The following TMEM9 variants were observed in gnomAD, a reference collection of about 807,000 sequenced individuals.
TMEM9 encodes transmembrane protein 9.
A neutral mutation model predicts 22.8 loss-of-function variants in TMEM9; 13 were observed. The observed-to-expected ratio is 0.57, with a 90% CI of 0.37 to 0.91. The LOEUF (loss-of-function observed/expected upper bound fraction) is 0.91. Ranked by LOEUF, TMEM9 falls within the 40% of genes least tolerant of loss-of-function variation. The probability of loss-of-function intolerance (pLI) is 0.01; values close to 1 mark genes in which losing one functional copy is unlikely to be tolerated. For synonymous variants in TMEM9, 88 were observed against 93.0 expected, an observed-to-expected ratio of 0.95 and a Z score of 0.31; for missense variants, 182 against 238.1, an observed-to-expected ratio of 0.76 and a Z score of 1.55.
rs539276163 is a variant in TMEM9 at position 201,154,139 on chromosome 1, G to A, written c.-216C>T. ...CTCCCGCCCAACTCTCCGGCTCTCCGCCAGCCACCTGGTGAGCCCGGCAGA... is the reference window on the plus strand; with the variant it reads ...CTCCCGCCCAACTCTCCGGCTCTCCACCAGCCACCTGGTGAGCCCGGCAGA... On this transcript the variant is annotated 5_prime_UTR_variant, in exon 1 of 5. Coordinates refer to ENST00000367330, the MANE Select transcript of TMEM9 (RefSeq NM_001288565.2). The A allele has an allele frequency of 1.0e-4, 59 of 571,618 alleles. No individual in the cohort carries two copies. The highest frequency in any genetic ancestry group is 1.0e-3 in the African/African-American group (53 of 51,966). The allele number at this position is 571,618 out of a possible 1,614,324, so 35.4% of individuals were successfully genotyped here. A position where few individuals can be genotyped will look rare whatever the true frequency, so the allele number is the denominator to read the frequency against.
Position 201,154,167 on chromosome 1 carries a change from G to C in TMEM9, c.-244C>G. The C allele has an allele frequency of 2.0e-6, 1 of 498,218 alleles. No homozygotes were observed. The highest frequency in any genetic ancestry group is 2.4e-5 in the South Asian group (1 of 41,074). The allele number at this position is 498,218 out of a possible 1,614,324, so 30.9% of individuals were successfully genotyped here. On this transcript the variant is annotated 5_prime_UTR_variant, in exon 1 of 5. Transcript: ENST00000367330. ...AGCCACCTGGTGAGCCCGGCAGAGGGGTCCTCGAGGGGACACCGCTGCCAG... is the reference window on the plus strand; with the variant it reads ...AGCCACCTGGTGAGCCCGGCAGAGGCGTCCTCGAGGGGACACCGCTGCCAG...
chr1:201,136,038 C>G (rs1663957017), intron 4 of TMEM9, among the ~76,000 whole-genome samples: 1 of 152,180 alleles, frequency 6.6e-6, no homozygotes, highest in Non-Finnish European at 1.5e-5. Flanking sequence ...GTAGCATCTG[C>G]AGGATGGGGC....
chr1:201,171,218 C>G (rs1666203019), intron 1 of TMEM9, among the ~76,000 whole-genome samples: 1 of 152,160 alleles, frequency 6.6e-6, no homozygotes, highest in Non-Finnish European at 1.5e-5. Flanking sequence ...TGAAATGGAT[C>G]CTGGCTGGGA....
At chr1:201,171,030 G>T (rs1178212203) in intron 1 of TMEM9, among the ~76,000 whole-genome samples, 2 of 152,244 alleles carry the variant, frequency 1.3e-5, no homozygotes, top group African/African-American at 4.8e-5. Flanking sequence ...GGCTTGTTGT[G>T]CCCGAGACAG....
chr1:201,149,585 A>G (rs1192180804), intron 2 of TMEM9, among the ~76,000 whole-genome samples: 1 of 152,156 alleles, frequency 6.6e-6, no homozygotes, highest in Non-Finnish European at 1.5e-5. Context: ...ATCTCTCAAC[A>G]CTAGGTGGCA....
chr1:201,141,978 C>T (rs958806383), intron 4 of TMEM9, among the ~76,000 whole-genome samples: 1 of 152,218 alleles, frequency 6.6e-6, no homozygotes, highest in Non-Finnish European at 1.5e-5. Context: ...GCCAGGACTG[C>T]AATTACCACA....
At chr1:201,166,342 C>T (rs1666076990) in intron 1 of TMEM9, among the ~76,000 whole-genome samples, 1 of 140,056 alleles carries the variant, frequency 7.1e-6, no homozygotes, top group African/African-American at 2.7e-5. Flanking sequence ...TAGTATTGGA[C>T]TTGGAAAAAA....
At chr1:201,146,019 G>A (rs557650388) in intron 3 of TMEM9, among the ~76,000 whole-genome samples, 1 of 152,326 alleles carries the variant, frequency 6.6e-6, no homozygotes, top group East Asian at 1.9e-4. Flanking sequence ...TGTGTGCCAG[G>A]TGCCTGGCCC....
chr1:201,159,442 A>G (rs1337396694), upstream of TMEM9, among the ~76,000 whole-genome samples: 1 of 151,788 alleles, frequency 6.6e-6, no homozygotes, highest in East Asian at 1.9e-4. Flanking sequence ...GCCCTGGACA[A>G]GCACGCTGTT....
Position 201,143,856 on chromosome 1 carries a change from T to C in TMEM9, c.363A>G (p.Ala121=), listed in dbSNP as rs1387450429. 6.2e-7 allele frequency: 1 copy of C among 1,614,092 alleles called. No individual in the cohort carries two copies. The highest frequency in any genetic ancestry group is 8.5e-7 in the Non-Finnish European group (1 of 1,179,994). The change falls in exon 4 of 5, where the codon GCA becomes GCG. Residue 121 remains alanine (A), a synonymous_variant. Transcript: ENST00000367330. ...CCTCATTGTGCAGTTGCTCAGTATA[T>C]GCATCCGGCTTTCGGATCAGAGGGT... ...LVDPLIRKPD[A]YTEQLHNEEE... is the part of the protein sequence containing the mutation.
upstream of TMEM9, among the ~76,000 whole-genome samples, chr1:201,156,907 C>A (rs1045352970): frequency 2.0e-5 from 3 of 152,188 alleles, no homozygotes; most frequent in African/African-American, 7.2e-5. Context: ...AACCTAATAG[C>A]AGACCAATCA....
At chr1:201,156,420 T>G (rs1298345310), upstream of TMEM9, among the ~76,000 whole-genome samples, 1 of 152,140 alleles carries the variant, frequency 6.6e-6, no homozygotes, top group Non-Finnish European at 1.5e-5. Context: ...CGCTCATTGC[T>G]CAATCCCTGG....
chr1:201,147,348 C>G (rs762157387), intron 2 of TMEM9, among the ~76,000 whole-genome samples: 1 of 152,170 alleles, frequency 6.6e-6, no homozygotes, highest in Non-Finnish European at 1.5e-5. Context: ...AAACTGGCTC[C>G]CCATTTGCAA....
chr1:201,148,804 T>G (rs974119343), intron 2 of TMEM9, among the ~76,000 whole-genome samples: 1 of 152,276 alleles, frequency 6.6e-6, no homozygotes, highest in Non-Finnish European at 1.5e-5. Flanking sequence ...TCCACCTCTG[T>G]GTCCAACATG....
At chr1:201,158,458 A>C (rs950960210), upstream of TMEM9, among the ~76,000 whole-genome samples, 3 of 151,906 alleles carry the variant, frequency 2.0e-5, no homozygotes, top group African/African-American at 7.3e-5. Flanking sequence ...GGGCAGGGGC[A>C]GTGTAGGGAG....
chr1:201,142,830 G>A (rs1664646715), intron 4 of TMEM9, among the ~76,000 whole-genome samples: 1 of 152,232 alleles, frequency 6.6e-6, no homozygotes, highest in South Asian at 2.1e-4. Context: ...TGGTACATGA[G>A]CGCATAAAGG....
At chr1:201,167,102 T>G (rs763481352) in intron 1 of TMEM9, among the ~76,000 whole-genome samples, 6 of 152,242 alleles carry the variant, frequency 3.9e-5, no homozygotes, top group Non-Finnish European at 5.9e-5. Flanking sequence ...GGATAAAGTA[T>G]ACAAATCTTA....
intron 4 of TMEM9, among the ~76,000 whole-genome samples, chr1:201,141,178 C>T (rs922829823): frequency 3.3e-5 from 5 of 152,210 alleles, no homozygotes; most frequent in African/African-American, 1.2e-4. Flanking sequence ...TCCCAAGGCA[C>T]CTGACTTTTC....
intron 4 of TMEM9, among the ~76,000 whole-genome samples, chr1:201,137,842 A>G (rs958040196): frequency 7.9e-5 from 12 of 152,220 alleles, no homozygotes; most frequent in Admixed American, 7.9e-4. Context: ...GCTGGCTGCC[A>G]GGAGAAAGCC....
Sources: gnomAD v4.1 joint callset for allele counts (sites outside exome capture counted in the v4.1 genomes callset) on GRCh38, gnomAD v4.1.1 for gene constraint, MANE v1.5 for transcripts, NCBI Gene and HGNC (gene_info 2026-07-23, HGNC 2026-07-21) for gene names.